EFHB: variants seen among roughly 807,000 people sequenced by gnomAD.
EFHB encodes the protein EF-hand domain-containing family member B.
Under a neutral mutation model 87.2 loss-of-function variants are expected in EFHB, and 91 were observed. That is an observed-to-expected ratio of 1.04 (90% CI 0.88 to 1.24). The LOEUF (loss-of-function observed/expected upper bound fraction) is 1.24. EFHB is among the 50% of genes most tolerant of loss of function. EFHB has a pLI of 0.00. For synonymous variants in EFHB, 325 were observed against 333.6 expected, an observed-to-expected ratio of 0.97 and a Z score of 0.28; for missense variants, 1,084 against 998.8, an observed-to-expected ratio of 1.09 and a Z score of -1.15.
At chr3:19,929,364 G>A (rs1348384642) in intron 1 of EFHB, among the ~76,000 whole-genome samples, 2 of 151,616 alleles carry the variant, frequency 1.3e-5, no homozygotes, top group African/African-American at 4.8e-5. Context: ...AGAAAATTCT[G>A]GAAGAATAAA....
chr3:19,920,415 C>T, intron 2 of EFHB, 90 bp downstream of exon 2: 2 of 1,079,260 alleles, frequency 1.9e-6, no homozygotes, highest in Non-Finnish European at 2.7e-6. Context: ...AAGTTTATAC[C>T]ACTTTCATAA....
intron 11 of EFHB, 22 bp from the exon 12 acceptor site, chr3:19,882,753 A>G (rs1449130546): frequency 6.2e-7 from 1 of 1,601,874 alleles, no homozygotes; most frequent in East Asian, 2.2e-5. Context: ...ATGAGGGAAG[A>G]AAACAGACAT....
rs191492682 is a variant in EFHB, at chr3:19,895,149, T to C, written c.1725+1538A>G. Reference sequence around the variant, plus strand: ...ATATGTAAGGCATATCAGCATTAAATAATTCTCAGTAATTTCCTCCCTGCT... The same window carrying C: ...ATATGTAAGGCATATCAGCATTAAACAATTCTCAGTAATTTCCTCCCTGCT... On this transcript the variant is annotated intron_variant, in intron 9 of 12. Coordinates refer to ENST00000295824, the MANE Select transcript of EFHB (RefSeq NM_144715.4). Among the ~76,000 whole-genome samples the C allele has an allele frequency of 2.0e-3, 300 of 150,662 alleles. 7 individuals carry two copies. Among genetic ancestry groups the C allele is most frequent in the Admixed American group, 0.019 (279 of 15,060 alleles).
intron 1 of EFHB, among the ~76,000 whole-genome samples, chr3:19,939,223 C>T (rs1040326918): frequency 6.6e-6 from 1 of 151,984 alleles, no homozygotes; most frequent in South Asian, 2.1e-4. Context: ...TGACTTTCTG[C>T]TTTTGCCCCT....
At chr3:19,925,721 C>G (rs984632320) in intron 1 of EFHB, among the ~76,000 whole-genome samples, 1 of 152,082 alleles carries the variant, frequency 6.6e-6, no homozygotes, top group Non-Finnish European at 1.5e-5. Context: ...CAAGTGAGTC[C>G]CAAGATTCAA....
intron 1 of EFHB, among the ~76,000 whole-genome samples, chr3:19,923,853 A>G (rs889851044): frequency 1.3e-5 from 2 of 152,252 alleles, no homozygotes; most frequent in Non-Finnish European, 2.9e-5. Flanking sequence ...TAGAAATTCT[A>G]AAAGACAACC....
chr3:19,908,251 G>A (rs929804966), intron 5 of EFHB, among the ~76,000 whole-genome samples: 32 of 151,974 alleles, frequency 2.1e-4, no homozygotes, highest in Non-Finnish European at 1.0e-4. Flanking sequence ...ACATATTATC[G>A]GCTGGGCGCA....
At chr3:19,939,148 C>T (rs1402684609), upstream of EFHB, among the ~76,000 whole-genome samples, 2 of 147,812 alleles carry the variant, frequency 1.4e-5, no homozygotes, top group African/African-American at 5.0e-5. Flanking sequence ...CTCAGGTGAT[C>T]CACCTGCCTT....
chr3:19,919,990 G>C lies in EFHB; in HGVS notation c.853-14C>G. The C allele has an allele frequency of 6.2e-7, 1 of 1,613,152 alleles. No homozygotes were observed. Among genetic ancestry groups the C allele is most frequent in the Non-Finnish European group, 8.5e-7 (1 of 1,179,494 alleles). ...TGGAGTAATTAGCTACAAAGAGTGA[G>C]GCAAGAAAATAGTATTAAGTACAGT... On this transcript the variant is annotated splice_polypyrimidine_tract_variant and intron_variant, in intron 2 of 12. Transcript: ENST00000295824.
At chr3:19,898,281 C>A (rs1007740889) in intron 8 of EFHB, among the ~76,000 whole-genome samples, 1 of 152,152 alleles carries the variant, frequency 6.6e-6, no homozygotes, top group African/African-American at 2.4e-5. Flanking sequence ...GAGTACAGTG[C>A]TTTCTCATAT....
chr3:19,898,944 T>C, intron 7 of EFHB, 99 bp from the exon 8 acceptor site: 1 of 1,165,064 alleles, frequency 8.6e-7, no homozygotes, highest in Non-Finnish European at 1.2e-6. Context: ...CCATATTTTA[T>C]CTCATAACCA....
intron 5 of EFHB, among the ~76,000 whole-genome samples, chr3:19,911,916 G>C (rs1258111470): frequency 1.3e-5 from 2 of 152,044 alleles, no homozygotes. Context: ...TTCGAGACTA[G>C]CCTGAGCAAC....
intron 12 of EFHB, 107 bp from the exon 13 acceptor site, chr3:19,879,911 G>T: frequency 9.2e-7 from 1 of 1,085,718 alleles, no homozygotes; most frequent in Non-Finnish European, 1.3e-6. Flanking sequence ...AAAAAAGTAT[G>T]TGTGAAAAGT....
rs1695401498 is a variant in EFHB at position 19,920,507 on chromosome 3, T to C, written c.850A>G (p.Arg284Gly). 1.2e-6 allele frequency: 2 copies of C among 1,602,246 alleles called. No individual in the cohort carries two copies. The highest frequency in any genetic ancestry group is 2.3e-5 in the South Asian group (2 of 88,464). ...AAAGGTATATTGAAAGTGCTCACCC[T>C]GGGAAGTTTTTCAGTCAAGCAGGTT... ...VATCLTEKLP[R>G]LITPPEAKKY... is the part of the protein sequence containing the mutation. The change falls in exon 2 of 13, where the codon AGG (arginine) becomes GGG (glycine). Residue 284 changes from arginine (R) to glycine (G), a missense_variant and splice_region_variant. Arg to Gly is a moderately radical substitution (Grantham distance 125). Coordinates refer to ENST00000295824, the MANE Select transcript of EFHB (RefSeq NM_144715.4).
intron 3 of EFHB, among the ~76,000 whole-genome samples, chr3:19,919,164 C>T (rs531771833): frequency 6.6e-6 from 1 of 152,078 alleles, no homozygotes; most frequent in African/African-American, 2.4e-5. Flanking sequence ...TTCTATAGTG[C>T]CTCTAGGCAA....
chr3:19,940,013 A>ACCTT (rs1696119846), intron 1 of EFHB, among the ~76,000 whole-genome samples: 1 of 151,970 alleles, frequency 6.6e-6, no homozygotes, highest in Admixed American at 6.6e-5. Flanking sequence ...CTCAAACACC[A>ACCTT]CCTTCCTCAT....
chr3:19,908,589 A>AGG (rs1420199764), intron 5 of EFHB, among the ~76,000 whole-genome samples: 10 of 123,954 alleles, frequency 8.1e-5, no homozygotes, highest in Admixed American at 1.6e-4. Flanking sequence ...AGAGAGAGAG[A>AGG]GAGAGAGAGA....
chr3:19,912,824 A>C (rs1231988199), intron 5 of EFHB, among the ~76,000 whole-genome samples: 1 of 152,190 alleles, frequency 6.6e-6, no homozygotes, highest in Non-Finnish European at 1.5e-5. Context: ...GTTTAAGATA[A>C]TATTTGCAAG....
chr3:19,919,342 G>A (rs899140128), intron 3 of EFHB, among the ~76,000 whole-genome samples: 3 of 150,044 alleles, frequency 2.0e-5, no homozygotes, highest in Admixed American at 6.6e-5. Context: ...GATTACAGGC[G>A]CCTGCTACCA....
Sources: allele counts gnomAD v4.1 joint callset (sites outside exome capture counted in the v4.1 genomes callset), GRCh38; gene constraint gnomAD v4.1.1; transcripts MANE v1.5; gene names NCBI Gene and HGNC (gene_info 2026-07-23, HGNC 2026-07-21).